Variants in FRMD5 observed in about 807,000 individuals in gnomAD.
FRMD5 encodes FERM domain-containing protein 5.
FRMD5 carries 20 observed loss-of-function variants against 69.0 expected under a neutral mutation model. The observed-to-expected ratio is 0.29, with a 90% CI of 0.20 to 0.42. The LOEUF (loss-of-function observed/expected upper bound fraction) is 0.42, where lower values mean the gene tolerates loss of function less well. Among genes scored for constraint, FRMD5 ranks in the 10% least tolerant of loss-of-function variants. FRMD5 has a pLI of 1.00. For synonymous variants in FRMD5, 271 were observed against 260.1 expected (o/e 1.04, Z -0.40); for missense variants, 595 against 708.6 (o/e 0.84, Z 1.82).
chr15:43,919,932 T>C, intron 2 of FRMD5, 123 bp from the exon 3 acceptor site: 3 of 867,860 alleles, frequency 3.5e-6, no homozygotes, highest in Non-Finnish European at 5.7e-6. Context: ...CAAAAGCTTA[T>C]GAAAGATAAG....
rs546385780 is a variant in FRMD5, at chr15:43,951,813, T to G, written c.103-27504A>C. On this transcript the variant is annotated intron_variant, in intron 1 of 13. Coordinates refer to ENST00000417257, the MANE Select transcript of FRMD5 (RefSeq NM_032892.5). ...CCATCAACCAAAAACAACCTTACAT[T>G]AAACAAGGACTTGCCTGCTACTTTT... 1.1e-4 allele frequency among the ~76,000 whole-genome samples: 16 copies of G among 152,304 alleles called. No individual in the cohort carries two copies. The South Asian group carries it at 1.9e-3, about 18-fold the overall frequency.
At chr15:44,180,430 T>A (rs2140562150) in intron 1 of FRMD5, among the ~76,000 whole-genome samples, 1 of 152,296 alleles carries the variant, frequency 6.6e-6, no homozygotes, top group South Asian at 2.1e-4. Flanking sequence ...TTCATTTTAA[T>A]TGTAATTATG....
rs1336005437 is a variant in FRMD5, at chr15:44,189,720, G to C, written c.102+5233C>G. 2.0e-5 allele frequency among the ~76,000 whole-genome samples: 3 copies of C among 152,000 alleles called. No individual in the cohort carries two copies. In the East Asian group the frequency reaches 5.8e-4, roughly 29 times the overall value. ...TTGACCAGGCTGGTCTCAAACTCCT[G>C]ATCTCAAGTGATCCTCCCACCTCAG... On this transcript the variant is annotated intron_variant, in intron 1 of 13. Coordinates refer to ENST00000417257, the MANE Select transcript of FRMD5 (RefSeq NM_032892.5).
At chr15:44,051,955 A>C (rs1892686202) in intron 1 of FRMD5, among the ~76,000 whole-genome samples, 1 of 152,128 alleles carries the variant, frequency 6.6e-6, no homozygotes. Context: ...AATGTCTGTC[A>C]GAATTTTCCA....
chr15:44,111,165 GT>G (rs2076790286), intron 1 of FRMD5, among the ~76,000 whole-genome samples: 1 of 151,992 alleles, frequency 6.6e-6, no homozygotes, highest in Non-Finnish European at 1.5e-5. Context: ...ATACATATAT[GT>G]GTGTGCTTCT....
At chr15:44,083,528 C>A (rs180708496) in intron 1 of FRMD5, among the ~76,000 whole-genome samples, 17 of 152,050 alleles carry the variant, frequency 1.1e-4, no homozygotes, top group Admixed American at 8.5e-4. Flanking sequence ...TACACCTAGC[C>A]GAGCTTCAAC....
intron 13 of FRMD5, among the ~76,000 whole-genome samples, chr15:43,878,498 G>A (rs1264750374): frequency 6.6e-6 from 1 of 152,198 alleles, no homozygotes; most frequent in Non-Finnish European, 1.5e-5. Context: ...AGCTCTTGCT[G>A]TTCCTCTGAT....
intron 1 of FRMD5, 52 bp from the exon 2 acceptor site, chr15:43,924,361 C>A: frequency 3.7e-6 from 4 of 1,081,538 alleles, no homozygotes; most frequent in Admixed American, 2.2e-5. Context: ...TTCAGTGTAA[C>A]TTTTTTTTTT....
chr15:43,880,166 A>G lies in FRMD5; in HGVS notation c.1135+3537T>C, dbSNP rs1158424936. 2.0e-5 allele frequency among the ~76,000 whole-genome samples: 3 copies of G among 152,070 alleles called. No individual in the cohort carries two copies. In the East Asian group the frequency reaches 5.8e-4, roughly 29 times the overall value. ...TCCAGGCCTGCCCTGGTGCCAGCCA[A>G]GTTGCATGGTCAGCCTAGCTTTGGG... On this transcript the variant is annotated intron_variant, in intron 13 of 13. Coordinates refer to ENST00000417257, the MANE Select transcript of FRMD5 (RefSeq NM_032892.5).
intron 1 of FRMD5, among the ~76,000 whole-genome samples, chr15:44,072,028 G>A (rs993785624): frequency 1.3e-5 from 2 of 152,002 alleles, no homozygotes; most frequent in African/African-American, 4.8e-5. Flanking sequence ...ACCATGCCTG[G>A]CTAATTTTTG....
chr15:43,996,536 G>A (rs924183006), intron 1 of FRMD5, among the ~76,000 whole-genome samples: 1 of 152,118 alleles, frequency 6.6e-6, no homozygotes, highest in African/African-American at 2.4e-5. Context: ...TAGTTCTTGT[G>A]AAGGTATTTT....
chr15:44,182,758 A>G (rs1247146797), intron 1 of FRMD5, among the ~76,000 whole-genome samples: 2 of 152,048 alleles, frequency 1.3e-5, no homozygotes, highest in African/African-American at 4.8e-5. Flanking sequence ...CTCTTCAAAC[A>G]GTTCACAGTA....
At chr15:43,891,357 T>G (rs1595487306) in intron 8 of FRMD5, among the ~76,000 whole-genome samples, 1 of 150,168 alleles carries the variant, frequency 6.7e-6, no homozygotes, top group African/African-American at 2.5e-5. Flanking sequence ...TAGATGGGAG[T>G]GGAGAAGGGA....
intron 1 of FRMD5, among the ~76,000 whole-genome samples, chr15:44,104,584 T>A (rs1445629951): frequency 6.6e-6 from 1 of 152,244 alleles, no homozygotes; most frequent in Admixed American, 6.5e-5. Flanking sequence ...TTTACTGTAC[T>A]TTTTTATGTT....
intron 13 of FRMD5, chr15:43,876,007 C>T: frequency 3.1e-6 from 4 of 1,308,962 alleles, no homozygotes; most frequent in Non-Finnish European, 4.4e-6. Flanking sequence ...CCCAAGACGC[C>T]CCCTTGCCTG....
At chr15:44,110,992 T>C (rs1412933219) in intron 1 of FRMD5, among the ~76,000 whole-genome samples, 1 of 152,226 alleles carries the variant, frequency 6.6e-6, no homozygotes, top group Non-Finnish European at 1.5e-5. Flanking sequence ...TCTATTATAA[T>C]GCTACTTCCA....
At chr15:43,881,529 A>G (rs2088529538) in intron 13 of FRMD5, among the ~76,000 whole-genome samples, 1 of 152,222 alleles carries the variant, frequency 6.6e-6, no homozygotes, top group South Asian at 2.1e-4. Flanking sequence ...CAGTGGGGGA[A>G]CTAGGCTCAG....
At chr15:44,101,179 A>C (rs2140528324) in intron 1 of FRMD5, among the ~76,000 whole-genome samples, 1 of 151,702 alleles carries the variant, frequency 6.6e-6, no homozygotes, top group African/African-American at 2.4e-5. Context: ...AACAGAAAAG[A>C]AAAAAGAAAA....
chr15:43,874,485 A>G lies in FRMD5; in HGVS notation c.1136-23T>C, dbSNP rs2088269619. 6 of 1,589,870 alleles carry G rather than the reference A, an allele frequency of 3.8e-6. No individual in the cohort carries two copies. The East Asian group carries it at 1.3e-4, about 36-fold the overall frequency. Reference sequence around the variant, plus strand: ...GGCCTAGAAAGGCAAAAGGAACATGAGTAGGCTGTGTCCCAATGCACCCTT... The same window carrying G: ...GGCCTAGAAAGGCAAAAGGAACATGGGTAGGCTGTGTCCCAATGCACCCTT... On this transcript the variant is annotated intron_variant, in intron 13 of 13. Coordinates refer to ENST00000417257, the MANE Select transcript of FRMD5 (RefSeq NM_032892.5).
Sources: allele counts gnomAD v4.1 joint callset (sites outside exome capture counted in the v4.1 genomes callset), GRCh38; gene constraint gnomAD v4.1.1; transcripts MANE v1.5; gene names NCBI Gene and HGNC (gene_info 2026-07-23, HGNC 2026-07-21).